Variants in UBAP1 observed in about 807,000 individuals in gnomAD.
The protein encoded by UBAP1 is ubiquitin-associated protein 1.
In UBAP1, 5 loss-of-function variants were observed where a neutral mutation model predicts 39.0. The observed-to-expected ratio is 0.13, with a 90% CI of 0.07 to 0.27. UBAP1 has a LOEUF of 0.27. Among genes scored for constraint, UBAP1 ranks in the 10% least tolerant of loss-of-function variants. UBAP1 has a pLI of 1.00. For synonymous variants in UBAP1, 211 were observed against 225.1 expected (o/e 0.94, Z 0.56); for missense variants, 490 against 608.1 (o/e 0.81, Z 2.04).
rs1361357051 is a variant in UBAP1, at chr9:34,246,100, TA to T, written c.1084-3678del. On this transcript the variant is annotated intron_variant, in intron 4 of 6. Transcript: ENST00000297661. ...TAATTCTTTATTTTTAAATTTTTAT[TA>T]TTTTTTTTGAGACAGGGTCTTGCTC... is the stretch of plus-strand genomic sequence containing the variant. 3.9e-5 allele frequency among the ~76,000 whole-genome samples: 6 copies of T among 152,224 alleles called. No individual in the cohort carries two copies. The South Asian group carries it at 6.2e-4, about 16-fold the overall frequency.
chr9:34,223,814 C>T (rs548104111), intron 2 of UBAP1, among the ~76,000 whole-genome samples: 8 of 152,270 alleles, frequency 5.3e-5, no homozygotes, highest in East Asian at 1.9e-4. Flanking sequence ...GAAAAATTTT[C>T]TTTCTCCCTT....
intron 3 of UBAP1, among the ~76,000 whole-genome samples, chr9:34,240,727 G>C (rs933938389): frequency 1.4e-5 from 2 of 139,468 alleles, no homozygotes; most frequent in African/African-American, 5.1e-5. Flanking sequence ...TTCAAATCCA[G>C]GCTCTTCCAT....
At chr9:34,181,579 C>T (rs1312657668) in intron 1 of UBAP1, among the ~76,000 whole-genome samples, 1 of 149,504 alleles carries the variant, frequency 6.7e-6, no homozygotes, top group Non-Finnish European at 1.5e-5. Flanking sequence ...ACTACGGGCT[C>T]CCGCCACCAC....
chr9:34,227,483 A>G lies in UBAP1; in HGVS notation c.34+6535A>G, dbSNP rs1021970101. Among the ~76,000 whole-genome samples, 68 of 152,332 alleles carry G rather than the reference A, an allele frequency of 4.5e-4. 1 individual carries two copies. Among genetic ancestry groups the G allele is most frequent in the Admixed American group, 4.3e-3 (66 of 15,294 alleles). On this transcript the variant is annotated intron_variant, in intron 2 of 6. Coordinates refer to ENST00000297661, the MANE Select transcript of UBAP1 (RefSeq NM_016525.5). ...CTGAATTAAATATTATGCATTTGCTATCCTCTATTGGGGATTTCTCCCCCC... is the reference window on the plus strand; with the variant it reads ...CTGAATTAAATATTATGCATTTGCTGTCCTCTATTGGGGATTTCTCCCCCC...
chr9:34,205,958 C>CTCCA (rs1831663654), intron 1 of UBAP1, among the ~76,000 whole-genome samples: 1 of 152,184 alleles, frequency 6.6e-6, no homozygotes, highest in African/African-American at 2.4e-5. Context: ...TGCCACTGCA[C>CTCCA]TCCAGCCTGG....
At chr9:34,186,508 T>C (rs1274737938) in intron 1 of UBAP1, among the ~76,000 whole-genome samples, 1 of 152,196 alleles carries the variant, frequency 6.6e-6, no homozygotes, top group Non-Finnish European at 1.5e-5. Flanking sequence ...TTTTGGCTGC[T>C]TCACTTCCTC....
In UBAP1 at chr9:34,241,783, C is replaced by T. The variant is rs184935108; in HGVS notation, c.758C>T (p.Ser253Phe). ...AAGATGTCACTGTCTTCCAAAGTGTCCCTCCCCCCTATACCTGCAGTAAGC... is the reference window on the plus strand; with the variant it reads ...AAGATGTCACTGTCTTCCAAAGTGTTCCTCCCCCCTATACCTGCAGTAAGC... ...CEKMSLSSKV[S>F]LPPIPAVSNI... The change falls in exon 4 of 7, where the codon TCC (serine) becomes TTC (phenylalanine). Residue 253 changes from serine to phenylalanine, a missense_variant. This residue lies in a region of UBAP1 where 339 missense variants were observed against 390.0 expected (regional missense o/e 0.87). Coordinates refer to ENST00000297661, the MANE Select transcript of UBAP1 (RefSeq NM_016525.5). 1.1e-5 allele frequency: 17 copies of T among 1,614,026 alleles called. 1 individual carries two copies. In the East Asian group the frequency reaches 2.5e-4, roughly 23 times the overall value.
intron 1 of UBAP1, among the ~76,000 whole-genome samples, chr9:34,195,396 T>G (rs920001496): frequency 1.3e-5 from 2 of 152,152 alleles, no homozygotes; most frequent in Admixed American, 1.3e-4. Context: ...GATATCTATT[T>G]TAGCACTTTT....
rs1833251491 is a variant in UBAP1 at position 34,228,778 on chromosome 9, A to G, written c.35-5438A>G. On this transcript the variant is annotated intron_variant, in intron 2 of 6. Coordinates refer to ENST00000297661, the MANE Select transcript of UBAP1 (RefSeq NM_016525.5). ...TATTTTTAGTAGAGACGGGGGTTTC[A>G]CCATGTTGGCCAGGCTGGTCTTGAA... 2.1e-5 allele frequency among the ~76,000 whole-genome samples: 3 copies of G among 145,898 alleles called. No individual in the cohort carries two copies. The South Asian group carries it at 6.5e-4, about 32-fold the overall frequency.
At chr9:34,250,939 G>A (rs886237508) in intron 6 of UBAP1, 180 bp downstream of exon 6, 1 of 627,238 alleles carries the variant, frequency 1.6e-6, no homozygotes, top group Non-Finnish European at 2.9e-6. Context: ...TTGGCTTGGT[G>A]GTTGAAGCAT....
chr9:34,200,318 G>T (rs1831297955), intron 1 of UBAP1, among the ~76,000 whole-genome samples: 2 of 152,100 alleles, frequency 1.3e-5, no homozygotes, highest in South Asian at 4.1e-4. Context: ...CTTTCAGATT[G>T]GCCTTGGCCT....
chr9:34,193,635 A>T (rs1437806555), intron 1 of UBAP1, among the ~76,000 whole-genome samples: 1 of 152,160 alleles, frequency 6.6e-6, no homozygotes, highest in Non-Finnish European at 1.5e-5. Flanking sequence ...ATCTCACAGA[A>T]CTCAGGGAAA....
intron 1 of UBAP1, among the ~76,000 whole-genome samples, chr9:34,215,284 T>C (rs1430973061): frequency 2.0e-5 from 3 of 151,924 alleles, no homozygotes; most frequent in Non-Finnish European, 4.4e-5. Flanking sequence ...ATAGTGTGTG[T>C]GTGTGTATAT....
intron 2 of UBAP1, among the ~76,000 whole-genome samples, chr9:34,226,124 T>C (rs1216833456): frequency 9.6e-6 from 1 of 104,594 alleles, no homozygotes; most frequent in Non-Finnish European, 2.3e-5. Flanking sequence ...TGTGTGTGTG[T>C]GTGTGTGTGT....
At chr9:34,238,290 A>C (rs1186532506) in intron 3 of UBAP1, among the ~76,000 whole-genome samples, 4 of 152,216 alleles carry the variant, frequency 2.6e-5, no homozygotes, top group African/African-American at 9.6e-5. Flanking sequence ...GGTAGTTTCT[A>C]ATTTTCGGCT....
chr9:34,236,011 C>T (rs568883460), intron 3 of UBAP1, among the ~76,000 whole-genome samples: 50 of 152,038 alleles, frequency 3.3e-4, no homozygotes, highest in African/African-American at 1.1e-3. Context: ...CAGGTGTGCA[C>T]TACCATGCCC....
At chr9:34,201,034 C>T (rs931468263) in intron 1 of UBAP1, among the ~76,000 whole-genome samples, 4 of 152,022 alleles carry the variant, frequency 2.6e-5, no homozygotes, top group Admixed American at 1.3e-4. Flanking sequence ...CTCAGCCTCC[C>T]GAGTGAGTAG....
chr9:34,251,559 C>T lies in UBAP1; in HGVS notation c.*27C>T. On this transcript the variant is annotated 3_prime_UTR_variant, in exon 7 of 7. Transcript: ENST00000297661. ...ACCAGGCCCTGCCTAGGCCCTGCCGCAGAACCACCATCCCTGGGAGGCCCT... is the reference window on the plus strand; with the variant it reads ...ACCAGGCCCTGCCTAGGCCCTGCCGTAGAACCACCATCCCTGGGAGGCCCT... 6.2e-7 allele frequency: 1 copy of T among 1,609,080 alleles called. No individual in the cohort carries two copies. The highest frequency in any genetic ancestry group is 8.5e-7 in the Non-Finnish European group (1 of 1,177,670).
intron 1 of UBAP1, among the ~76,000 whole-genome samples, chr9:34,197,907 T>C (rs2131526987): frequency 6.6e-6 from 1 of 152,354 alleles, no homozygotes. Flanking sequence ...TTTGAGGAAG[T>C]AGTCACTTCT....
Sources: allele counts gnomAD v4.1 joint callset (sites outside exome capture counted in the v4.1 genomes callset), GRCh38; gene constraint gnomAD v4.1.1; regional missense constraint gnomAD v4.1.1; transcripts MANE v1.5; gene names NCBI Gene and HGNC (gene_info 2026-07-23, HGNC 2026-07-21).